The following CNTNAP2 variants were observed in gnomAD, a reference collection of about 807,000 sequenced individuals.
CNTNAP2 encodes the protein contactin associated protein 2.
A neutral mutation model predicts 155.2 loss-of-function variants in CNTNAP2; 98 were observed. That is an observed-to-expected ratio of 0.63 (90% CI 0.54 to 0.75). CNTNAP2 has a LOEUF of 0.75. Among genes scored for constraint, CNTNAP2 ranks in the 30% least tolerant of loss-of-function variants. The pLI is 0.00. For missense variants in CNTNAP2, 1,727 were observed against 1,688.1 expected (o/e 1.02, Z -0.40); for synonymous variants, 651 against 631.2 (o/e 1.03, Z -0.47).
At chr7:147,516,539 A>G (rs1198690291) in intron 11 of CNTNAP2, among the ~76,000 whole-genome samples, 1 of 152,090 alleles carries the variant, frequency 6.6e-6, no homozygotes, top group Non-Finnish European at 1.5e-5. Context: ...GAAGTACGTA[A>G]CCACATTCTG....
At chr7:147,162,847 A>G (rs1433925051) in intron 8 of CNTNAP2, among the ~76,000 whole-genome samples, 1 of 152,218 alleles carries the variant, frequency 6.6e-6, no homozygotes, top group East Asian at 1.9e-4. Context: ...GTTTCTCAGC[A>G]ATCATGTTAC....
chr7:146,483,283 A>AAAAATG (rs56199082), intron 1 of CNTNAP2, among the ~76,000 whole-genome samples: 1 of 62,722 alleles, frequency 1.6e-5, no homozygotes, highest in African/African-American at 4.7e-5. Flanking sequence ...CTAAAAAAAA[A>AAAAATG]TATATATATA....
At chr7:148,358,546 G>A (rs1371134616) in intron 21 of CNTNAP2, among the ~76,000 whole-genome samples, 1 of 152,218 alleles carries the variant, frequency 6.6e-6, no homozygotes, top group African/African-American at 2.4e-5. Flanking sequence ...TTACCATGTT[G>A]TCTGGGCTAG....
At chr7:146,807,789 T>C (rs1361090190) in intron 2 of CNTNAP2, among the ~76,000 whole-genome samples, 2 of 152,068 alleles carry the variant, frequency 1.3e-5, no homozygotes, top group African/African-American at 4.8e-5. Context: ...TAAAAAAATA[T>C]ATATGTCTCA....
At chr7:147,030,138 G>A (rs1014085115) in intron 3 of CNTNAP2, among the ~76,000 whole-genome samples, 1 of 152,162 alleles carries the variant, frequency 6.6e-6, no homozygotes, top group Non-Finnish European at 1.5e-5. Context: ...TGCATCAAAA[G>A]TGTTGGTTAC....
chr7:146,800,271 C>A (rs1802850895), intron 2 of CNTNAP2, among the ~76,000 whole-genome samples: 1 of 152,082 alleles, frequency 6.6e-6, no homozygotes, highest in Non-Finnish European at 1.5e-5. Context: ...AGAACAACAC[C>A]TACATCTCCC....
chr7:147,887,837 G>A (rs981836985), intron 13 of CNTNAP2, among the ~76,000 whole-genome samples: 3 of 152,200 alleles, frequency 2.0e-5, no homozygotes, highest in African/African-American at 7.2e-5. Flanking sequence ...CTTTAGCTCA[G>A]AGTACAAAGA....
intron 1 of CNTNAP2, among the ~76,000 whole-genome samples, chr7:146,732,596 A>G (rs1801545010): frequency 6.6e-6 from 1 of 152,122 alleles, no homozygotes; most frequent in Admixed American, 6.5e-5. Flanking sequence ...CTTCTGTTCC[A>G]GATGATAGAT....
At chr7:146,611,007 G>A (rs1435329240) in intron 1 of CNTNAP2, among the ~76,000 whole-genome samples, 3 of 152,176 alleles carry the variant, frequency 2.0e-5, no homozygotes, top group African/African-American at 4.8e-5. Flanking sequence ...CATCAGAAAT[G>A]GAAGCAGGAT....
intron 1 of CNTNAP2, among the ~76,000 whole-genome samples, chr7:146,366,361 A>G (rs1217223721): frequency 2.0e-5 from 3 of 152,136 alleles, no homozygotes; most frequent in African/African-American, 4.8e-5. Context: ...CTAATCAAGT[A>G]TAAGTTATTA....
At chr7:146,160,467 TAAAG>T (rs1242442711) in intron 1 of CNTNAP2, among the ~76,000 whole-genome samples, 1 of 151,944 alleles carries the variant, frequency 6.6e-6, no homozygotes, top group African/African-American at 2.4e-5. Context: ...GCAAGGCTAA[TAAAG>T]AAGAAAAGAG....
chr7:146,685,603 A>G (rs951972568), intron 1 of CNTNAP2, among the ~76,000 whole-genome samples: 1 of 152,198 alleles, frequency 6.6e-6, no homozygotes, highest in African/African-American at 2.4e-5. Context: ...CACAGAACAA[A>G]TAAGTGCTGA....
At position 148,283,306 on chromosome 7, in the gene CNTNAP2, AGGAAGGAAGGAAG is replaced by A. The variant is rs797007965; in HGVS notation, c.3475+16182_3475+16194del. 6.6e-4 allele frequency among the ~76,000 whole-genome samples: 39 copies of A among 59,488 alleles called. 2 individuals carry two copies. Among genetic ancestry groups the A allele is most frequent in the East Asian group, 2.0e-3 (6 of 3,024 alleles). 39.0% of individuals were successfully genotyped at this position (59,488 alleles called of 152,430 possible). Reference sequence around the variant, plus strand: ...AAGAAAGAAAGAAAGAAAGAAAGAAAGGAAGGAAGGAAGGAAAGAAAGAAAGAATTCTTATTAT... The same window carrying A: ...AAGAAAGAAAGAAAGAAAGAAAGAAAGAAAGAAAGAAAGAATTCTTATTAT... On this transcript the variant is annotated intron_variant, in intron 21 of 23. Transcript: ENST00000361727.
chr7:146,874,712 A>T (rs1335664931), intron 3 of CNTNAP2, among the ~76,000 whole-genome samples: 1 of 152,158 alleles, frequency 6.6e-6, no homozygotes, highest in Non-Finnish European at 1.5e-5. Flanking sequence ...GCTATACTTC[A>T]GTTCTTCACT....
intron 21 of CNTNAP2, among the ~76,000 whole-genome samples, chr7:148,294,137 A>G (rs998787297): frequency 2.0e-5 from 3 of 151,240 alleles, no homozygotes; most frequent in African/African-American, 7.3e-5. Context: ...TGTGTATGCC[A>G]TGCCTCGAGC....
chr7:146,185,892 T>A (rs1798616670), intron 1 of CNTNAP2, among the ~76,000 whole-genome samples: 1 of 151,992 alleles, frequency 6.6e-6, no homozygotes, highest in Non-Finnish European at 1.5e-5. Flanking sequence ...GTCTGGAGTA[T>A]GTCCTCAGAT....
chr7:147,553,298 G>A (rs1799886862), intron 11 of CNTNAP2, among the ~76,000 whole-genome samples: 1 of 152,020 alleles, frequency 6.6e-6, no homozygotes, highest in African/African-American at 2.4e-5. Context: ...AAAGAGAGGA[G>A]GTAAATGGAG....
intron 13 of CNTNAP2, among the ~76,000 whole-genome samples, chr7:147,737,316 C>T (rs528542442): frequency 1.6e-4 from 25 of 152,262 alleles, no homozygotes; most frequent in African/African-American, 6.0e-4. Context: ...TGGGTATCAG[C>T]AGCAGAGGCT....
intron 21 of CNTNAP2, among the ~76,000 whole-genome samples, chr7:148,320,018 A>G (rs886252754): frequency 1.3e-5 from 2 of 152,138 alleles, no homozygotes; most frequent in African/African-American, 4.8e-5. Flanking sequence ...GTAGAACTGC[A>G]TTCTTGTGAT....
Sources: gnomAD v4.1 joint callset for allele counts (sites outside exome capture counted in the v4.1 genomes callset) on GRCh38, gnomAD v4.1.1 for gene constraint, MANE v1.5 for transcripts, NCBI Gene and HGNC (gene_info 2026-07-23, HGNC 2026-07-21) for gene names.